LYST: variants seen among roughly 807,000 people sequenced by gnomAD.
LYST encodes lysosomal-trafficking regulator.
A neutral mutation model predicts 413.6 loss-of-function variants in LYST; 192 were observed. That is an observed-to-expected ratio of 0.46 (90% CI 0.41 to 0.52). The LOEUF is 0.52. Ranked by LOEUF, LYST falls within the 20% of genes least tolerant of loss-of-function variation. LYST has a pLI of 0.00. For synonymous variants in LYST, 1,525 were observed against 1,567.3 expected (o/e 0.97, Z 0.64); for missense variants, 3,815 against 4,499.9 (o/e 0.85, Z 4.35).
In LYST at chr1:235,730,831, A is replaced by G. The variant is rs1469842639; in HGVS notation, c.9044+16T>C. ...TATATTCATGAAAGAGTGAAGGTCT[A>G]TTGATTCAAAGTTACCTTATAGATT... On this transcript the variant is annotated intron_variant, in intron 36 of 52. Coordinates refer to ENST00000389793, the MANE Select transcript of LYST (RefSeq NM_000081.4). The G allele has an allele frequency of 2.8e-6, 4 of 1,440,088 alleles. No homozygotes were observed. The highest frequency in any genetic ancestry group is 2.3e-5 in the South Asian group (2 of 87,408). The allele number at this position is 1,440,088 out of a possible 1,614,324, so 89.2% of individuals were successfully genotyped here.
intron 28 of LYST, among the ~76,000 whole-genome samples, chr1:235,750,172 G>A (rs1666348374): frequency 3.3e-5 from 5 of 152,142 alleles, no homozygotes; most frequent in Admixed American, 3.3e-4. Context: ...AACTGATAAA[G>A]AATCTGTTTC....
chr1:235,808,866 T>C lies in LYST; in HGVS notation c.1952A>G (p.Glu651Gly), dbSNP rs767345210. 1.9e-6 allele frequency: 3 copies of C among 1,614,050 alleles called. No individual in the cohort carries two copies. In the Admixed American group the frequency reaches 5.0e-5, roughly 27 times the overall value. Reference sequence around the variant, plus strand: ...ACATAAGTTTCCCTGCAGTGTCTCTTCTAATTGGGCTAGTTGGTCAGAGTC... The same window carrying C: ...ACATAAGTTTCCCTGCAGTGTCTCTCCTAATTGGGCTAGTTGGTCAGAGTC... ...TVDSDQLAQL[E>G]ETLQGNLCDA... The change falls in exon 5 of 53, where the codon GAA becomes GGA. Residue 651 changes from glutamate to glycine, a missense_variant. Transcript: ENST00000389793.
upstream of LYST, among the ~76,000 whole-genome samples, chr1:235,869,309 A>G (rs1328428483): frequency 2.0e-5 from 3 of 151,982 alleles, no homozygotes; most frequent in African/African-American, 4.8e-5. Context: ...CGTCTCTACT[A>G]AAAATACAAA....
intron 42 of LYST, chr1:235,712,582 A>C: frequency 1.0e-6 from 1 of 980,862 alleles, no homozygotes; most frequent in Non-Finnish European, 1.2e-6. Context: ...TGAAGAAGGA[A>C]GATTTAAGTT....
rs748320375 is a variant in LYST, at chr1:235,828,038, T to G, written c.192+2188A>C. ...TGAAAAAATGCTCAACATCATTAGT[T>G]GTTAGAGGAATGTGAACTAAAACTA... On this transcript the variant is annotated intron_variant, in intron 3 of 52. Transcript: ENST00000389793. 6 of 482,150 alleles carry G rather than the reference T, an allele frequency of 1.2e-5. No homozygotes were observed. The South Asian group carries it at 2.7e-4, about 22-fold the overall frequency. The allele number at this position is 482,150 out of a possible 1,614,324, so 29.9% of individuals were successfully genotyped here. A position where few individuals can be genotyped will look rare whatever the true frequency, so the allele number is the denominator to read the frequency against.
intron 29 of LYST, among the ~76,000 whole-genome samples, 187 bp downstream of exon 29, chr1:235,746,149 C>T (rs535193479): frequency 4.6e-5 from 7 of 152,246 alleles, no homozygotes; most frequent in African/African-American, 1.4e-4. Flanking sequence ...GGGCTAGCAT[C>T]GAACACATTC....
intron 1 of LYST, among the ~76,000 whole-genome samples, chr1:235,864,753 C>T (rs556876889): frequency 4.9e-4 from 75 of 152,102 alleles, no homozygotes; most frequent in Non-Finnish European, 7.2e-4. Flanking sequence ...GCAACAATGG[C>T]GAAACCCCAT....
At position 235,831,221 on chromosome 1, in the gene LYST, G is replaced by A. The variant is rs145880647; in HGVS notation, c.-7-797C>T. On this transcript the variant is annotated intron_variant, in intron 2 of 52. Transcript: ENST00000389793. Reference sequence around the variant, plus strand: ...TGTATTGCCTCACCTCCCTTCACCCGCTTCAGGGGGAAGCCCTCCCCACAG... The same window carrying A: ...TGTATTGCCTCACCTCCCTTCACCCACTTCAGGGGGAAGCCCTCCCCACAG... 9.9e-5 allele frequency among the ~76,000 whole-genome samples: 15 copies of A among 152,206 alleles called. No homozygotes were observed. The East Asian group carries it at 1.9e-3, about 20-fold the overall frequency.
At chr1:235,703,718 T>C (rs983245476) in intron 44 of LYST, among the ~76,000 whole-genome samples, 11 of 152,150 alleles carry the variant, frequency 7.2e-5, no homozygotes, top group African/African-American at 2.4e-4. Context: ...TCAACTCCAT[T>C]CTCCTCACCA....
At chr1:235,711,455 T>C (rs1257260727) in intron 43 of LYST, among the ~76,000 whole-genome samples, 2 of 152,242 alleles carry the variant, frequency 1.3e-5, no homozygotes, top group Non-Finnish European at 2.9e-5. Context: ...CTGTTTCATA[T>C]GCTCTTAAGG....
chr1:235,816,939 CAG>C (rs1353614866), intron 3 of LYST, among the ~76,000 whole-genome samples: 3 of 152,176 alleles, frequency 2.0e-5, no homozygotes, highest in African/African-American at 7.2e-5. Context: ...AAACAGCCTA[CAG>C]AGTGGGAGAA....
At chr1:235,771,398 A>G (rs768881284) in intron 19 of LYST, among the ~76,000 whole-genome samples, 85 of 152,312 alleles carry the variant, frequency 5.6e-4, no homozygotes, top group Admixed American at 4.3e-3. Context: ...TTAAAATCAA[A>G]CAACCCCAAA....
intron 38 of LYST, among the ~76,000 whole-genome samples, chr1:235,725,299 TGGCA>T (rs1663761173): frequency 6.6e-6 from 1 of 151,980 alleles, no homozygotes; most frequent in African/African-American, 2.4e-5. Context: ...TCGGGAGTGA[TGGCA>T]GGCACCTGTA....
At chr1:235,836,155 A>G (rs546989832) in intron 1 of LYST, among the ~76,000 whole-genome samples, 5 of 152,312 alleles carry the variant, frequency 3.3e-5, no homozygotes, top group African/African-American at 1.2e-4. Flanking sequence ...ACATACATAC[A>G]CAAACACTGA....
chr1:235,765,901 A>T (rs760383965), intron 21 of LYST, among the ~76,000 whole-genome samples, 178 bp downstream of exon 21: 6 of 151,172 alleles, frequency 4.0e-5, no homozygotes, highest in Non-Finnish European at 7.4e-5. Flanking sequence ...TGGCATTTAG[A>T]CTCCTTGAGG....
chr1:235,693,971 T>C (rs1282216556), intron 46 of LYST, among the ~76,000 whole-genome samples: 1 of 151,886 alleles, frequency 6.6e-6, no homozygotes, highest in African/African-American at 2.4e-5. Context: ...ATGGTAGACC[T>C]TCATTCAATT....
chr1:235,866,141 G>A (rs58724387), intron 1 of LYST, among the ~76,000 whole-genome samples: 9,220 of 152,246 alleles, frequency 0.061, 921 homozygotes, highest in African/African-American at 0.21. Flanking sequence ...TGTGGTACCG[G>A]GGTCTTCTCG....
chr1:235,870,723 G>A (rs139924216), upstream of LYST, among the ~76,000 whole-genome samples: 1,094 of 152,234 alleles, frequency 7.2e-3, 8 homozygotes, highest in Non-Finnish European at 9.0e-3. Flanking sequence ...CTCCACAAGG[G>A]CCACAATCTT....
chr1:235,853,537 G>A (rs1026946919), intron 1 of LYST, among the ~76,000 whole-genome samples: 1 of 151,890 alleles, frequency 6.6e-6, no homozygotes, highest in Non-Finnish European at 1.5e-5. Context: ...GTAGTTCTGG[G>A]GGAAGAATGG....
Sources: allele counts gnomAD v4.1 joint callset (sites outside exome capture counted in the v4.1 genomes callset), GRCh38; gene constraint gnomAD v4.1.1; transcripts MANE v1.5; gene names NCBI Gene and HGNC (gene_info 2026-07-23, HGNC 2026-07-21).